The following ZNF704 variants were observed in gnomAD, a reference collection of about 807,000 sequenced individuals.
ZNF704 encodes the protein glucocorticoid induced gene 1.
Under a neutral mutation model 44.7 loss-of-function variants are expected in ZNF704, and 10 were observed. That is an observed-to-expected ratio of 0.22 (90% confidence interval 0.14 to 0.38). The LOEUF (loss-of-function observed/expected upper bound fraction) is 0.38, where lower values mean the gene tolerates loss of function less well. Ranked by LOEUF, ZNF704 falls within the 10% of genes least tolerant of loss-of-function variation. The pLI is 1.00. For missense variants in ZNF704, 390 were observed against 545.5 expected, an observed-to-expected ratio of 0.71 and a Z score of 2.84; for synonymous variants, 211 against 207.6, an observed-to-expected ratio of 1.02 and a Z score of -0.14.
intron 2 of ZNF704, among the ~76,000 whole-genome samples, chr8:80,815,384 A>C (rs1237397496): frequency 6.6e-6 from 1 of 152,232 alleles, no homozygotes; most frequent in African/African-American, 2.4e-5. Context: ...TACTTTGCAT[A>C]ATCAAATTGT....
chr8:80,719,899 T>A (rs954933248), intron 2 of ZNF704, among the ~76,000 whole-genome samples: 2 of 152,194 alleles, frequency 1.3e-5, no homozygotes, highest in Admixed American at 6.5e-5. Flanking sequence ...TTCAGCTTAC[T>A]TGAAATGGAA....
intron 2 of ZNF704, among the ~76,000 whole-genome samples, chr8:80,782,718 T>C (rs762075263): frequency 2.0e-5 from 3 of 152,168 alleles, no homozygotes; most frequent in Non-Finnish European, 4.4e-5. Flanking sequence ...CTGAGGGATC[T>C]TGGGTTGTCA....
In ZNF704 at chr8:80,847,611, C is replaced by G. The variant is rs188905124; in HGVS notation, c.-21-25996G>C. On this transcript the variant is annotated intron_variant, in intron 1 of 8. Transcript: ENST00000327835. ...TACCATAACTCAAGATGGTATGGTA[C>G]CAGCAGAGCACATCAATGAAACAGA... Among the ~76,000 whole-genome samples, 563 of 152,206 alleles carry G rather than the reference C, an allele frequency of 3.7e-3. 2 individuals are homozygous for G. The highest frequency in any genetic ancestry group is 0.013 in the African/African-American group (544 of 41,532).
At chr8:80,785,859 T>G (rs1258899902) in intron 2 of ZNF704, among the ~76,000 whole-genome samples, 1 of 152,188 alleles carries the variant, frequency 6.6e-6, no homozygotes, top group Non-Finnish European at 1.5e-5. Context: ...TTGGTGGGTG[T>G]TCTTCTTGCT....
intron 4 of ZNF704, among the ~76,000 whole-genome samples, chr8:80,671,010 G>A (rs1468135033): frequency 6.6e-6 from 1 of 152,156 alleles, no homozygotes; most frequent in Non-Finnish European, 1.5e-5. Context: ...CATAAAAAGT[G>A]TCCAGTCAAT....
chr8:80,776,898 A>C (rs982628468), intron 2 of ZNF704: 1 of 152,180 alleles, frequency 6.6e-6, no homozygotes, highest in African/African-American at 2.4e-5. Flanking sequence ...TCCTGGACTC[A>C]AGTGATCCTT....
chr8:80,883,377 T>G, the ZNF704 span, among the ~76,000 whole-genome samples: 1 of 152,170 alleles, frequency 6.6e-6, no homozygotes, highest in Admixed American at 6.5e-5. Context: ...AATATAAATG[T>G]GAGCATACAA....
At chr8:80,855,879 T>A (rs1434727577) in intron 1 of ZNF704, among the ~76,000 whole-genome samples, 3 of 152,194 alleles carry the variant, frequency 2.0e-5, no homozygotes, top group Non-Finnish European at 4.4e-5. Context: ...TCTCTGAAAA[T>A]ACCAGTTTTG....
chr8:80,738,300 T>A (rs1036710350), intron 2 of ZNF704, among the ~76,000 whole-genome samples: 1 of 152,218 alleles, frequency 6.6e-6, no homozygotes, highest in Non-Finnish European at 1.5e-5. Context: ...TACTTAAGGT[T>A]CAGGGATATA....
chr8:80,682,567 C>A lies in ZNF704; in HGVS notation c.558+4659G>T, dbSNP rs192301924. Among the ~76,000 whole-genome samples, 109 of 152,308 alleles carry A rather than the reference C, an allele frequency of 7.2e-4. No homozygotes were observed. In the South Asian group the frequency reaches 0.02, roughly 28 times the overall value. On this transcript the variant is annotated intron_variant, in intron 4 of 8. Coordinates refer to ENST00000327835, the MANE Select transcript of ZNF704 (RefSeq NM_001033723.3). The stretch of plus-strand genomic sequence containing the variant: ...GCATTGCAGGGGGGCTAATGCACAC[C>A]CAATTGAGCACAGGGTGGCTGAGGG...
At chr8:80,644,750 G>A (rs1380324381) in intron 7 of ZNF704, among the ~76,000 whole-genome samples, 1 of 152,198 alleles carries the variant, frequency 6.6e-6, no homozygotes, top group Admixed American at 6.5e-5. Flanking sequence ...ATCTGGCTGG[G>A]CTATGGTGGT....
At chr8:80,843,238 AT>A (rs1257823750) in intron 1 of ZNF704, among the ~76,000 whole-genome samples, 1 of 152,252 alleles carries the variant, frequency 6.6e-6, no homozygotes, top group Non-Finnish European at 1.5e-5. Context: ...GACTTTATAT[AT>A]AGTTTTACAG....
At chr8:80,694,598 A>T (rs923476820) in intron 2 of ZNF704, among the ~76,000 whole-genome samples, 1 of 152,218 alleles carries the variant, frequency 6.6e-6, no homozygotes, top group Non-Finnish European at 1.5e-5. Context: ...TTAGAGATAG[A>T]AACTTCATAG....
At chr8:80,797,973 T>C (rs1807835201) in intron 2 of ZNF704, among the ~76,000 whole-genome samples, 1 of 152,228 alleles carries the variant, frequency 6.6e-6, no homozygotes, top group Admixed American at 6.5e-5. Context: ...TGGTTAAAGG[T>C]AGCCATGCAG....
At chr8:80,678,907 G>A (rs547978817) in intron 4 of ZNF704, among the ~76,000 whole-genome samples, 4 of 152,258 alleles carry the variant, frequency 2.6e-5, no homozygotes, top group Admixed American at 2.6e-4. Context: ...GCAGCTGGGA[G>A]GCAGGAGAGA....
chr8:80,747,068 C>T (rs908768421), intron 2 of ZNF704, among the ~76,000 whole-genome samples: 2 of 152,050 alleles, frequency 1.3e-5, no homozygotes, highest in Non-Finnish European at 2.9e-5. Flanking sequence ...CTGGACTTTC[C>T]ACATCTGCTT....
intron 2 of ZNF704, among the ~76,000 whole-genome samples, chr8:80,811,199 T>A (rs542475788): frequency 1.3e-5 from 2 of 152,314 alleles, no homozygotes; most frequent in South Asian, 2.1e-4. Flanking sequence ...AGCAGATTTT[T>A]AAGATTGAGC....
At chr8:80,659,834 A>G in intron 6 of ZNF704, 145 bp from the exon 7 acceptor site, 1 of 666,434 alleles carries the variant, frequency 1.5e-6, no homozygotes, top group Non-Finnish European at 2.5e-6. Context: ...GAGATTAAAC[A>G]AGGTTAAAGG....
chr8:80,692,132 T>C (rs931966176), intron 3 of ZNF704, among the ~76,000 whole-genome samples: 3 of 152,158 alleles, frequency 2.0e-5, no homozygotes, highest in Non-Finnish European at 4.4e-5. Context: ...CAGGCATAAA[T>C]GACCCCTCCT....
Sources: allele counts gnomAD v4.1 joint callset (sites outside exome capture counted in the v4.1 genomes callset), GRCh38; gene constraint gnomAD v4.1.1; transcripts MANE v1.5; gene names NCBI Gene and HGNC (gene_info 2026-07-23, HGNC 2026-07-21).